The following STAC variants were observed in gnomAD, a reference collection of about 807,000 sequenced individuals.
STAC encodes SH3 and cysteine rich domain, also known as SH3 and cysteine-rich domain-containing protein.
Under a neutral mutation model 48.8 loss-of-function variants are expected in STAC, and 43 were observed. That is an observed-to-expected ratio of 0.88 (90% CI 0.69 to 1.14). The LOEUF is 1.14. Among genes scored for constraint, STAC ranks in the 50% most tolerant of loss-of-function variants. The probability of loss-of-function intolerance (pLI) is 0.00; values close to 1 mark genes in which losing one functional copy is unlikely to be tolerated. For synonymous variants in STAC, 193 were observed against 179.5 expected, an observed-to-expected ratio of 1.07 and a Z score of -0.60; for missense variants, 497 against 504.0, an observed-to-expected ratio of 0.99 and a Z score of 0.13.
intron 1 of STAC, among the ~76,000 whole-genome samples, chr3:36,423,100 A>C (rs911693288): frequency 6.6e-6 from 1 of 152,122 alleles, no homozygotes. Context: ...GACATCTCAT[A>C]ATCTCCATGG....
intron 1 of STAC, among the ~76,000 whole-genome samples, chr3:36,440,679 G>A (rs1002453602): frequency 1.3e-5 from 2 of 152,210 alleles, no homozygotes; most frequent in Admixed American, 1.3e-4. Flanking sequence ...AGATTGAGAT[G>A]CAAATTCACA....
At position 36,526,909 on chromosome 3, in the gene STAC, A is replaced by T. The variant is rs547515340; in HGVS notation, c.921-1787A>T. ...CCTTTTCTCTCACCAGTGGTAAGAA[A>T]ATCCTCCTTGCTACAGCTATTAGGA... On this transcript the variant is annotated intron_variant, in intron 8 of 10. Coordinates refer to ENST00000273183, the MANE Select transcript of STAC (RefSeq NM_003149.3). Among the ~76,000 whole-genome samples, 18 of 152,304 alleles carry T rather than the reference A, an allele frequency of 1.2e-4. No individual in the cohort carries two copies. The South Asian group carries it at 3.1e-3, about 26-fold the overall frequency.
chr3:36,540,828 C>A (rs1236786354), intron 10 of STAC, among the ~76,000 whole-genome samples: 1 of 152,166 alleles, frequency 6.6e-6, no homozygotes, highest in Non-Finnish European at 1.5e-5. Flanking sequence ...TCCGCTAGAC[C>A]TACAAAACTG....
chr3:36,383,563 G>A (rs1015386409), intron 1 of STAC, among the ~76,000 whole-genome samples: 12 of 10,458 alleles, frequency 1.1e-3, no homozygotes, highest in African/African-American at 8.6e-3. Flanking sequence ...CAAGGATAAG[G>A]GTTATTTTCA....
Position 36,443,490 on chromosome 3 carries a change from A to T in STAC, c.238A>T (p.Ser80Cys). 2 of 1,614,248 alleles carry T rather than the reference A, an allele frequency of 1.2e-6. No individual in the cohort carries two copies. The highest frequency in any genetic ancestry group is 2.2e-5 in the South Asian group (2 of 91,088). Residue 80 changes from serine to cysteine, a missense_variant, in exon 2 of 11, where the codon AGC becomes TGC. Physicochemically the swap from Ser to Cys is moderately radical, Grantham distance 112. Coordinates refer to ENST00000273183, the MANE Select transcript of STAC (RefSeq NM_003149.3). The surrounding 1 kb of genome is among the most constrained non-coding windows in gnomAD (Gnocchi z 4.2). Reference protein sequence around the residue: ...KLQAHMVAEISPSSSPLPAPG... With the variant: ...KLQAHMVAEICPSSSPLPAPG... ...GCAAGCACACATGGTGGCTGAGATCAGCCCCAGCTCCAGCCCACTCCCTGC... is the reference window on the plus strand; with the variant it reads ...GCAAGCACACATGGTGGCTGAGATCTGCCCCAGCTCCAGCCCACTCCCTGC...
chr3:36,464,280 C>T (rs978928997), intron 2 of STAC, among the ~76,000 whole-genome samples: 18 of 152,088 alleles, frequency 1.2e-4, no homozygotes, highest in African/African-American at 3.6e-4. Flanking sequence ...TGATGATGAG[C>T]ATTTTTTCAT....
intron 2 of STAC, among the ~76,000 whole-genome samples, chr3:36,470,299 G>A (rs1302152395): frequency 6.6e-6 from 1 of 152,232 alleles, no homozygotes. Context: ...TAGGAATGGG[G>A]CTTCCTGAAA....
intron 2 of STAC, among the ~76,000 whole-genome samples, chr3:36,446,436 T>C (rs1303413842): frequency 6.6e-6 from 1 of 152,230 alleles, no homozygotes; most frequent in Non-Finnish European, 1.5e-5. Flanking sequence ...TAGAGGAACA[T>C]ACTTCCTCCA....
At chr3:36,445,545 G>A (rs1696485191) in intron 2 of STAC, among the ~76,000 whole-genome samples, 1 of 152,176 alleles carries the variant, frequency 6.6e-6, no homozygotes, top group Non-Finnish European at 1.5e-5. Flanking sequence ...AGGGGCTGGT[G>A]TATGCTCTAA....
chr3:36,467,950 G>C (rs929057746), intron 2 of STAC, among the ~76,000 whole-genome samples: 7 of 151,640 alleles, frequency 4.6e-5, no homozygotes, highest in African/African-American at 1.7e-4. Flanking sequence ...TGTCTATTTG[G>C]GCTCTATCAG....
intron 4 of STAC, 172 bp from the exon 5 acceptor site, chr3:36,485,962 T>TG: frequency 1.7e-6 from 1 of 581,732 alleles, no homozygotes. Flanking sequence ...GCATGCTGGG[T>TG]GGGGGTGCAT....
intron 1 of STAC, among the ~76,000 whole-genome samples, chr3:36,429,775 C>G (rs1700651307): frequency 6.6e-6 from 1 of 152,180 alleles, no homozygotes; most frequent in Non-Finnish European, 1.5e-5. Flanking sequence ...TGCTCCAACT[C>G]CTTACACTAT....
intron 5 of STAC, among the ~76,000 whole-genome samples, chr3:36,490,539 G>A: frequency 6.6e-6 from 1 of 152,098 alleles, no homozygotes; most frequent in Non-Finnish European, 1.5e-5. Context: ...CTTGTGGGAG[G>A]CTGGCATTGG....
At chr3:36,406,053 C>T (rs769615124) in intron 1 of STAC, among the ~76,000 whole-genome samples, 33 of 152,306 alleles carry the variant, frequency 2.2e-4, no homozygotes, top group Middle Eastern at 3.4e-3. Flanking sequence ...AAGACTGTTT[C>T]GTATTTCCCC....
rs761433029 is a variant in STAC at position 36,484,978 on chromosome 3, C to A, written c.491C>A (p.Pro164Gln). The A allele has an allele frequency of 6.3e-7, 1 of 1,595,652 alleles. No homozygotes were observed. The change falls in exon 4 of 11, where the codon CCA (proline) becomes CAA (glutamine). Residue 164 changes from proline (P) to glutamine (Q), a missense_variant and splice_region_variant. Transcript: ENST00000273183. ...LAPQRCMGKL[P>Q]KGFRRYYSSP... ...TTGCCTTCCTCATTCTCTCTCCAGC[C>A]AAAGGGGTTTCGGCGTTACTACAGC...
intron 1 of STAC, among the ~76,000 whole-genome samples, chr3:36,427,674 G>C (rs1241058267): frequency 1.3e-5 from 2 of 152,144 alleles, no homozygotes; most frequent in Non-Finnish European, 2.9e-5. Context: ...TCTAACATGT[G>C]CCAGGCTCAG....
intron 1 of STAC, among the ~76,000 whole-genome samples, chr3:36,385,851 T>A (rs1699605315): frequency 6.6e-6 from 1 of 152,136 alleles, no homozygotes; most frequent in Non-Finnish European, 1.5e-5. Context: ...CCATATAACA[T>A]TCCATTGTAT....
chr3:36,544,706 A>G (rs775755338), intron 10 of STAC, among the ~76,000 whole-genome samples: 2 of 152,174 alleles, frequency 1.3e-5, no homozygotes, highest in Admixed American at 6.5e-5. Context: ...ATATGAAAAA[A>G]GTTGTAGGTC....
intron 8 of STAC, among the ~76,000 whole-genome samples, chr3:36,520,736 G>A (rs981699943): frequency 5.3e-5 from 8 of 152,290 alleles, no homozygotes; most frequent in African/African-American, 1.9e-4. Flanking sequence ...GCTGCACTAT[G>A]TCAAGAAACC....
Sources: gnomAD v4.1 joint callset for allele counts (sites outside exome capture counted in the v4.1 genomes callset) on GRCh38, gnomAD v4.1.1 for gene constraint, Gnocchi (gnomAD v3.1) non-coding constraint, MANE v1.5 for transcripts, NCBI Gene and HGNC (gene_info 2026-07-23, HGNC 2026-07-21) for gene names.